Variants in LMAN1 observed in about 807,000 individuals in gnomAD.
LMAN1 encodes the protein protein ERGIC-53.
Under a neutral mutation model 67.8 loss-of-function variants are expected in LMAN1, and 32 were observed. The ratio of observed to expected loss-of-function variants is 0.47; its 90% CI spans 0.36 to 0.63. LMAN1 has a LOEUF of 0.63. Among genes scored for constraint, LMAN1 ranks in the 30% least tolerant of loss-of-function variants. LMAN1 has a pLI of 0.00. For synonymous variants in LMAN1, 235 were observed against 219.3 expected, an observed-to-expected ratio of 1.07 and a Z score of -0.63; for missense variants, 632 against 628.2, an observed-to-expected ratio of 1.01 and a Z score of -0.06.
intron 7 of LMAN1, among the ~76,000 whole-genome samples, chr18:59,346,276 A>AGT (rs1908405173): frequency 7.7e-6 from 1 of 130,324 alleles, no homozygotes; most frequent in Non-Finnish European, 1.5e-5. Flanking sequence ...GCTGGAGTGC[A>AGT]GTAGCGTGAT....
At chr18:59,349,441 A>G (rs1260216343) in intron 5 of LMAN1, among the ~76,000 whole-genome samples, 3 of 152,220 alleles carry the variant, frequency 2.0e-5, no homozygotes, top group Admixed American at 2.0e-4. Context: ...GTTTAAAGAG[A>G]GAAAAATCTG....
At position 59,328,608 on chromosome 18, in the gene LMAN1, A is replaced by G. The variant is rs2144204327; in HGVS notation, c.*2485T>C. 6.6e-6 allele frequency: 1 copy of G among 152,162 alleles called. No individual in the cohort carries two copies. The highest frequency in any genetic ancestry group is 2.4e-5 in the African/African-American group (1 of 41,532). 9.4% of individuals were successfully genotyped at this position (152,162 alleles called of 1,614,324 possible). A position where few individuals can be genotyped will look rare whatever the true frequency, so the allele number is the denominator to read the frequency against. ...CTCCTCATTTTAGTGGTTCTCAAAC[A>G]TTGGTGTGCTCAGAATCTCCTGAGG... is the stretch of plus-strand genomic sequence containing the variant. On this transcript the variant is annotated 3_prime_UTR_variant, in exon 13 of 13. Coordinates refer to ENST00000251047, the MANE Select transcript of LMAN1 (RefSeq NM_005570.4).
intron 5 of LMAN1, among the ~76,000 whole-genome samples, chr18:59,351,244 C>G (rs1050174650): frequency 1.3e-5 from 2 of 151,778 alleles, no homozygotes; most frequent in Admixed American, 1.3e-4. Flanking sequence ...CAAATCAGTA[C>G]AACATATCTC....
rs939348560 is a variant in LMAN1, at chr18:59,359,260, G to A, written c.-16C>T. The A allele has an allele frequency of 6.2e-7, 1 of 1,612,378 alleles. No individual in the cohort carries two copies. The highest frequency in any genetic ancestry group is 8.5e-7 in the Non-Finnish European group (1 of 1,178,686). Reference sequence around the variant, plus strand: ...ATCCCGCCATCTTGGATTCTGGAACGCGGAGGAGGGCGGGAGAGGGAGGGG... The same window carrying A: ...ATCCCGCCATCTTGGATTCTGGAACACGGAGGAGGGCGGGAGAGGGAGGGG... On this transcript the variant is annotated 5_prime_UTR_variant, in exon 1 of 13. Coordinates refer to ENST00000251047, the MANE Select transcript of LMAN1 (RefSeq NM_005570.4).
chr18:59,352,693 A>G (rs537441857), intron 5 of LMAN1: 1 of 185,282 alleles, frequency 5.4e-6, no homozygotes, highest in African/African-American at 2.4e-5. Context: ...GGCACAGCTC[A>G]ACTCTGAGAA....
intron 5 of LMAN1, chr18:59,352,955 C>T: frequency 7.1e-6 from 3 of 424,122 alleles, no homozygotes; most frequent in South Asian, 6.2e-5. Flanking sequence ...ATATATATAT[C>T]TCTCACATGT....
Position 59,333,180 on chromosome 18 carries a change from C to T in LMAN1, c.1285G>A (p.Val429Ile), listed in dbSNP as rs370794143. 7.4e-5 allele frequency: 120 copies of T among 1,613,484 alleles called. No homozygotes were observed. Among genetic ancestry groups the T allele is most frequent in the South Asian group, 2.2e-4 (20 of 91,058 alleles). Residue 429 changes from valine to isoleucine, a missense_variant, in exon 11 of 13, where the codon GTC (valine) becomes ATC (isoleucine). By Grantham distance (29) the Val-to-Ile change is conservative (BLOSUM62 3). Coordinates refer to ENST00000251047, the MANE Select transcript of LMAN1 (RefSeq NM_005570.4). ...ATGAAGTGCTGTGTTGTCTCATAGACGCCTCCAGCAGAGCCAGGGTGCTGC... is the reference window on the plus strand; with the variant it reads ...ATGAAGTGCTGTGTTGTCTCATAGATGCCTCCAGCAGAGCCAGGGTGCTGC... Reference protein sequence around the residue: ...GMQHPGSAGGVYETTQHFIDI... With the variant: ...GMQHPGSAGGIYETTQHFIDI...
At chr18:59,353,155 T>C in intron 5 of LMAN1, 47 bp downstream of exon 5, 1 of 1,449,844 alleles carries the variant, frequency 6.9e-7, no homozygotes, top group Non-Finnish European at 9.7e-7. Flanking sequence ...TGAAAAGTGA[T>C]ACTGTAACAT....
rs758433793 is a variant in LMAN1, at chr18:59,355,386, C to A, written c.404G>T (p.Gly135Val). Residue 135 changes from glycine to valine, a missense_variant, in exon 3 of 13, where the codon GGC becomes GTC. Physicochemically the swap from Gly to Val is moderately radical, Grantham distance 109. Transcript: ENST00000251047. ...IWYAENQGLE[G>V]PVFGSADLWN... ...CAGATCAGCTGATCCAAACACAGGG[C>A]CCTCCAAGCCTTGATTTTCTGCATA... The A allele has an allele frequency of 6.2e-7, 1 of 1,614,054 alleles. No individual in the cohort carries two copies. Among genetic ancestry groups the A allele is most frequent in the South Asian group, 1.1e-5 (1 of 91,072 alleles).
chr18:59,343,021 C>T (rs761300078), intron 8 of LMAN1, among the ~76,000 whole-genome samples: 3 of 147,178 alleles, frequency 2.0e-5, no homozygotes, highest in Non-Finnish European at 4.5e-5. Context: ...ATCTAGCAGA[C>T]CAAATCTAGA....
At position 59,354,655 on chromosome 18, in the gene LMAN1, T is replaced by G. The variant is rs1200061106; in HGVS notation, c.478-75A>C. On this transcript the variant is annotated intron_variant, in intron 3 of 12. Coordinates refer to ENST00000251047, the MANE Select transcript of LMAN1 (RefSeq NM_005570.4). ...ACATCATTCTTGATGTACTATGAAG[T>G]GACTTACATATCTAAGATTCTAGGA... is the stretch of plus-strand genomic sequence containing the variant. 3.3e-5 allele frequency: 24 copies of G among 737,610 alleles called. No homozygotes were observed. In the Admixed American group the frequency reaches 5.6e-4, roughly 17 times the overall value. 45.7% of individuals were successfully genotyped at this position (737,610 alleles called of 1,614,324 possible). A position where few individuals can be genotyped will look rare whatever the true frequency, so the allele number is the denominator to read the frequency against.
rs149781610 is a variant in LMAN1, at chr18:59,330,154, G to A, written c.*939C>T. On this transcript the variant is annotated 3_prime_UTR_variant, in exon 13 of 13. Transcript: ENST00000251047. ...CCTTGATTTAAAAGAGTATGCAAAT[G>A]GTCACTAACCCCAGCCAGCATGAAG... 28 of 152,656 alleles carry A rather than the reference G, an allele frequency of 1.8e-4. No individual in the cohort carries two copies. The highest frequency in any genetic ancestry group is 2.6e-4 in the Admixed American group (4 of 15,272). The allele number at this position is 152,656 out of a possible 1,614,324, so 9.5% of individuals were successfully genotyped here. A position where few individuals can be genotyped will look rare whatever the true frequency, so the allele number is the denominator to read the frequency against.
In LMAN1 at chr18:59,346,032, AT is replaced by A. The variant is rs1385368091; in HGVS notation, c.841del (p.Ile281PhefsTer46). 3.7e-6 allele frequency: 6 copies of A among 1,611,952 alleles called. No individual in the cohort carries two copies. Among genetic ancestry groups the A allele is most frequent in the Non-Finnish European group, 5.1e-6 (6 of 1,179,370 alleles). Reference protein sequence around the residue: ...GKEPPTPDKEISEKEKEKYQE... With the variant: ...GKEPPTPDKEXSEKEKEKYQE... Reference sequence around the variant, plus strand: ...ATACTTTTCTTTTTCCTTTTCCGAAATTTCTTTATCTGGTGTGGGCTTTTTT... The same window carrying A: ...ATACTTTTCTTTTTCCTTTTCCGAAATTCTTTATCTGGTGTGGGCTTTTTT... On this transcript the variant is annotated frameshift_variant, in exon 8 of 13. Transcript: ENST00000251047. LOFTEE classifies it high-confidence loss of function.
rs2070730415 is a variant in LMAN1, at chr18:59,328,883, G to A, written c.*2210C>T. On this transcript the variant is annotated 3_prime_UTR_variant, in exon 13 of 13. Coordinates refer to ENST00000251047, the MANE Select transcript of LMAN1 (RefSeq NM_005570.4). ...TAAGGATATAAGCCATTACGCAATT[G>A]CATTTTCCTTTTAAAAGTGGCATCA... The A allele has an allele frequency of 6.6e-6, 1 of 152,136 alleles. No homozygotes were observed. The highest frequency in any genetic ancestry group is 2.4e-5 in the African/African-American group (1 of 41,424). 9.4% of individuals were successfully genotyped at this position (152,136 alleles called of 1,614,324 possible). A position where few individuals can be genotyped will look rare whatever the true frequency, so the allele number is the denominator to read the frequency against.
At chr18:59,343,509 C>T (rs565779189) in intron 8 of LMAN1, among the ~76,000 whole-genome samples, 1 of 152,186 alleles carries the variant, frequency 6.6e-6, no homozygotes, top group East Asian at 1.9e-4. Flanking sequence ...TACCTACAAT[C>T]AACTGATCCT....
chr18:59,337,363 T>C (rs1022082025), intron 10 of LMAN1, among the ~76,000 whole-genome samples: 3 of 151,962 alleles, frequency 2.0e-5, no homozygotes, highest in African/African-American at 4.8e-5. Flanking sequence ...CTAAATGTAA[T>C]GTGCGATTGT....
chr18:59,332,893 T>C lies in LMAN1; in HGVS notation c.1374+198A>G, dbSNP rs533198969. ...ATATTACATATTAAAAAACCATGACTGCTATGGGAACTGTTCTTCCACCTT... is the reference window on the plus strand; with the variant it reads ...ATATTACATATTAAAAAACCATGACCGCTATGGGAACTGTTCTTCCACCTT... On this transcript the variant is annotated intron_variant, in intron 11 of 12. Transcript: ENST00000251047. 4.6e-5 allele frequency among the ~76,000 whole-genome samples: 7 copies of C among 151,618 alleles called. No individual in the cohort carries two copies. In the South Asian group the frequency reaches 1.2e-3, roughly 27 times the overall value.
intron 3 of LMAN1, 93 bp from the exon 4 acceptor site, chr18:59,354,673 T>A (rs974385593): frequency 1.9e-5 from 12 of 641,058 alleles, no homozygotes; most frequent in Admixed American, 3.0e-5. Context: ...ATATCTAAGA[T>A]TCTAGGACTC....
Position 59,355,399 on chromosome 18 carries a change from G to C in LMAN1, c.391C>G (p.Gln131Glu), listed in dbSNP as rs1305058728. The C allele has an allele frequency of 6.2e-7, 1 of 1,614,028 alleles. No homozygotes were observed. The highest frequency in any genetic ancestry group is 1.1e-5 in the South Asian group (1 of 91,074). Residue 131 changes from glutamine to glutamate, a missense_variant, in exon 3 of 13, where the codon CAA becomes GAA. Coordinates refer to ENST00000251047, the MANE Select transcript of LMAN1 (RefSeq NM_005570.4). ...DGLAIWYAEN[Q>E]GLEGPVFGSA... is the part of the protein sequence containing the mutation. Reference sequence around the variant, plus strand: ...CCAAACACAGGGCCCTCCAAGCCTTGATTTTCTGCATACCAAATTGCCTGA... The same window carrying C: ...CCAAACACAGGGCCCTCCAAGCCTTCATTTTCTGCATACCAAATTGCCTGA...
Sources: allele counts gnomAD v4.1 joint callset (sites outside exome capture counted in the v4.1 genomes callset), GRCh38; gene constraint gnomAD v4.1.1; transcripts MANE v1.5; gene names NCBI Gene and HGNC (gene_info 2026-07-23, HGNC 2026-07-21).